AHI1: variants seen among roughly 807,000 people sequenced by gnomAD.
The protein encoded by AHI1 is Abelson helper integration site 1, also known as jouberin.
In AHI1, 123 loss-of-function variants were observed where a neutral mutation model predicts 149.3. The observed-to-expected ratio is 0.82, with a 90% CI of 0.71 to 0.96. The LOEUF (loss-of-function observed/expected upper bound fraction) is 0.96. Among genes scored for constraint, AHI1 ranks in the 40% least tolerant of loss-of-function variants. AHI1 has a pLI of 0.00. For synonymous variants in AHI1, 475 were observed against 459.8 expected, an observed-to-expected ratio of 1.03 and a Z score of -0.42; for missense variants, 1,439 against 1,422.7, an observed-to-expected ratio of 1.01 and a Z score of -0.18.
intron 26 of AHI1, chr6:135,302,020 C>G (rs1326062147): frequency 1.0e-6 from 1 of 979,466 alleles, no homozygotes; most frequent in East Asian, 1.1e-4. Flanking sequence ...GAGATTGGGT[C>G]ATGCTTTGTT....
chr6:135,346,162 A>T (rs1368072645), intron 24 of AHI1, among the ~76,000 whole-genome samples: 1 of 152,054 alleles, frequency 6.6e-6, no homozygotes, highest in African/African-American at 2.4e-5. Flanking sequence ...GGAAGACAGG[A>T]GTTTTACTGA....
At chr6:135,317,167 C>G (rs1362455382) in intron 26 of AHI1, among the ~76,000 whole-genome samples, 1 of 151,782 alleles carries the variant, frequency 6.6e-6, no homozygotes, top group Non-Finnish European at 1.5e-5. Context: ...CCTTAGCTAC[C>G]TCAAATTCAG....
chr6:135,317,931 T>C (rs1317404783), intron 26 of AHI1, among the ~76,000 whole-genome samples: 1 of 152,230 alleles, frequency 6.6e-6, no homozygotes, highest in African/African-American at 2.4e-5. Flanking sequence ...TACATGATAG[T>C]ACAGTGCTTA....
chr6:135,309,135 C>T (rs551281560), intron 26 of AHI1, among the ~76,000 whole-genome samples: 11 of 152,272 alleles, frequency 7.2e-5, no homozygotes, highest in African/African-American at 1.9e-4. Flanking sequence ...AAGTTCCTTT[C>T]GGAGTAGGAG....
At chr6:135,360,184 T>C (rs9494225) in intron 23 of AHI1, among the ~76,000 whole-genome samples, 1 of 152,166 alleles carries the variant, frequency 6.6e-6, no homozygotes, top group African/African-American at 2.4e-5. Flanking sequence ...CTTTTATTAA[T>C]GTATAACAAT....
At chr6:135,447,915 A>C (rs917827918) in intron 12 of AHI1, among the ~76,000 whole-genome samples, 2 of 152,196 alleles carry the variant, frequency 1.3e-5, no homozygotes, top group African/African-American at 4.8e-5. Context: ...TATGGCCTAC[A>C]TATGTCTATG....
chr6:135,347,986 A>T (rs930611216), intron 24 of AHI1, among the ~76,000 whole-genome samples: 2 of 152,202 alleles, frequency 1.3e-5, no homozygotes, highest in African/African-American at 4.8e-5. Flanking sequence ...GATTTATTTT[A>T]CTTAATCTTT....
chr6:135,341,488 T>C (rs1562535508), intron 24 of AHI1, among the ~76,000 whole-genome samples: 1 of 152,048 alleles, frequency 6.6e-6, no homozygotes, highest in Non-Finnish European at 1.5e-5. Context: ...AATGCTGTAA[T>C]AGATGTCTAT....
chr6:135,385,152 T>C (rs1415874018), intron 23 of AHI1, among the ~76,000 whole-genome samples: 2 of 152,174 alleles, frequency 1.3e-5, no homozygotes, highest in Non-Finnish European at 2.9e-5. Context: ...GTTCCTATGT[T>C]ACACCAGCCT....
Position 135,429,955 on chromosome 6 carries a change from C to A in AHI1, c.2419G>T (p.Glu807Ter). The A allele has an allele frequency of 1.3e-6, 2 of 1,586,516 alleles. No individual in the cohort carries two copies. The highest frequency in any genetic ancestry group is 8.6e-7 in the Non-Finnish European group (1 of 1,164,876). ...EFKGIPISYL[E>*]IHPNGKRLLI... ...AAACGTTTTCCATTGGGATGAATCT[C>A]CAAATAACTTATTGGAATTCCCTTA... Residue 807 changes from glutamate to a stop codon, truncating the protein, a stop_gained, in exon 18 of 29, where the codon GAG (glutamate) becomes TAG (stop). Coordinates refer to ENST00000265602, the MANE Select transcript of AHI1 (RefSeq NM_001134831.2). LOFTEE classifies it high-confidence loss of function.
At chr6:135,440,866 T>A (rs1164793357) in intron 14 of AHI1, among the ~76,000 whole-genome samples, 1 of 152,140 alleles carries the variant, frequency 6.6e-6, no homozygotes, top group Non-Finnish European at 1.5e-5. Context: ...GGGCATCTGA[T>A]TTCCAGAGTT....
chr6:135,322,245 A>G (rs1431748033), intron 25 of AHI1, among the ~76,000 whole-genome samples: 2 of 152,244 alleles, frequency 1.3e-5, no homozygotes, highest in Admixed American at 1.3e-4. Context: ...GTTAGAAGTC[A>G]GTTTTCCTGA....
At chr6:135,392,218 T>C (rs887964218) in intron 23 of AHI1, among the ~76,000 whole-genome samples, 1 of 152,158 alleles carries the variant, frequency 6.6e-6, no homozygotes, top group Non-Finnish European at 1.5e-5. Context: ...ACATGCTAAA[T>C]AGATGGCCTT....
intron 16 of AHI1, among the ~76,000 whole-genome samples, chr6:135,432,768 G>A (rs1284806023): frequency 1.3e-5 from 2 of 152,148 alleles, no homozygotes; most frequent in Non-Finnish European, 2.9e-5. Context: ...CCAGTTCAAA[G>A]AAATATATTT....
chr6:135,327,128 A>G (rs1381059339), intron 24 of AHI1, among the ~76,000 whole-genome samples: 2 of 152,184 alleles, frequency 1.3e-5, no homozygotes, highest in Non-Finnish European at 2.9e-5. Context: ...ACACACTGAG[A>G]AAATAAATTT....
rs1167163571 is a variant in AHI1 at position 135,300,795 on chromosome 6, G to A, written c.3427-237C>T. On this transcript the variant is annotated intron_variant, in intron 26 of 28. Transcript: ENST00000265602. The stretch of plus-strand genomic sequence containing the variant: ...GTTCAAACACTCATTTATAAGTAAA[G>A]TCAGCTTTCAGGTATGTGACCAAAA... The A allele has an allele frequency of 2.8e-6, 3 of 1,059,426 alleles. No individual in the cohort carries two copies. In the East Asian group the frequency reaches 1.8e-4, roughly 63 times the overall value. 65.6% of individuals were successfully genotyped at this position (1,059,426 alleles called of 1,614,324 possible).
intron 20 of AHI1, 136 bp downstream of exon 20, chr6:135,427,031 C>T: frequency 1.2e-6 from 1 of 806,024 alleles, no homozygotes; most frequent in Non-Finnish European, 1.9e-6. Flanking sequence ...TTGTGGCTAG[C>T]TTTCTGTGAT....
intron 23 of AHI1, among the ~76,000 whole-genome samples, chr6:135,358,920 C>T (rs1226517369): frequency 6.6e-6 from 1 of 152,174 alleles, no homozygotes; most frequent in Non-Finnish European, 1.5e-5. Context: ...TTGTTTAATT[C>T]CTAATTTCTG....
intron 8 of AHI1, among the ~76,000 whole-genome samples, chr6:135,460,270 C>A (rs1789662329): frequency 2.0e-5 from 3 of 152,122 alleles, no homozygotes. Flanking sequence ...TACATTTCTA[C>A]ATATATGTAC....
Sources: allele counts gnomAD v4.1 joint callset (sites outside exome capture counted in the v4.1 genomes callset), GRCh38; gene constraint gnomAD v4.1.1; transcripts MANE v1.5; gene names NCBI Gene and HGNC (gene_info 2026-07-23, HGNC 2026-07-21).